MATN3: variants seen among roughly 807,000 people sequenced by gnomAD.
The protein encoded by MATN3 is matrilin-3.
Under a neutral mutation model 45.3 loss-of-function variants are expected in MATN3, and 48 were observed. The observed-to-expected ratio is 1.06, with a 90% confidence interval of 0.84 to 1.35. The LOEUF is 1.35. Among genes scored for constraint, MATN3 ranks in the 40% most tolerant of loss-of-function variants. The pLI is 0.00. For synonymous variants in MATN3, 217 were observed against 245.9 expected, an observed-to-expected ratio of 0.88 and a Z score of 1.10; for missense variants, 599 against 628.0, an observed-to-expected ratio of 0.95 and a Z score of 0.49.
chr2:20,012,476 G>C lies in MATN3; in HGVS notation c.156C>G (p.Pro52=), dbSNP rs1295143181. The C allele has an allele frequency of 1.6e-6, 2 of 1,228,972 alleles. No individual in the cohort carries two copies. The highest frequency in any genetic ancestry group is 3.1e-5 in the African/African-American group (2 of 64,198). 76.1% of individuals were successfully genotyped at this position (1,228,972 alleles called of 1,614,324 possible). ...RGPGGSPGRR[P]SPAAPDGAPA... ...GCGCGCCGTCGGGAGCCGCAGGAGA[G>C]GGGCGGCGTCCAGGGCTGCCCCCGG... The change falls in exon 1 of 8, where the codon CCC becomes CCG. Residue 52 remains proline (P), a synonymous_variant. Coordinates refer to ENST00000407540, the MANE Select transcript of MATN3 (RefSeq NM_002381.5). This position sits in a 1 kb window ranked among gnomAD's most constrained non-coding sequence, Gnocchi z 4.3.
chr2:20,002,194 AG>A, intron 3 of MATN3, 114 bp from the exon 4 acceptor site: 1 of 882,138 alleles, frequency 1.1e-6, no homozygotes, highest in African/African-American at 1.7e-5. Flanking sequence ...ACACACACAG[AG>A]CTAATGAAAC....
At chr2:20,004,554 G>C (rs1237142212) in intron 2 of MATN3, among the ~76,000 whole-genome samples, 2 of 152,204 alleles carry the variant, frequency 1.3e-5, no homozygotes, top group Non-Finnish European at 2.9e-5. Flanking sequence ...AGCCAAGTCT[G>C]ACTGCAATGA....
intron 1 of MATN3, among the ~76,000 whole-genome samples, chr2:20,008,528 TA>T (rs1473229039): frequency 1.3e-5 from 2 of 152,222 alleles, no homozygotes; most frequent in Admixed American, 6.5e-5. Flanking sequence ...AGTTTTCTTT[TA>T]AAAGCAGAAA....
intron 1 of MATN3, among the ~76,000 whole-genome samples, chr2:20,008,820 C>T (rs1558375820): frequency 6.6e-6 from 1 of 152,156 alleles, no homozygotes; most frequent in African/African-American, 2.4e-5. Context: ...TCTGAGGCAA[C>T]ATTTTCCTCC....
Position 20,000,521 on chromosome 2 carries a change from C to G in MATN3, c.1088G>C (p.Cys363Ser). ...ALGTHGCQHICVNDRTGSHHC... is the reference protein window; with the variant it reads ...ALGTHGCQHISVNDRTGSHHC... The stretch of plus-strand genomic sequence containing the variant: ...ATGGGACCCTGTTCTGTCATTCACA[C>G]AAATGTGCTGACACCCATGGGTACC... Residue 363 changes from cysteine (C) to serine (S), a missense_variant, in exon 5 of 8, where the codon TGT becomes TCT. By Grantham distance (112) the Cys-to-Ser change is moderately radical (BLOSUM62 -1). Coordinates refer to ENST00000407540, the MANE Select transcript of MATN3 (RefSeq NM_002381.5). 1 of 1,612,330 alleles carries G rather than the reference C, an allele frequency of 6.2e-7. No homozygotes were observed. Among genetic ancestry groups the G allele is most frequent in the South Asian group, 1.1e-5 (1 of 90,670 alleles).
intron 5 of MATN3, among the ~76,000 whole-genome samples, chr2:19,998,951 T>C (rs1453579282): frequency 6.6e-6 from 1 of 152,124 alleles, no homozygotes; most frequent in Non-Finnish European, 1.5e-5. Context: ...AGAGTAACCA[T>C]GGGCAAGTTA....
intron 1 of MATN3, among the ~76,000 whole-genome samples, chr2:20,006,806 C>G (rs973535153): frequency 1.3e-5 from 2 of 152,196 alleles, no homozygotes; most frequent in Admixed American, 1.3e-4. Flanking sequence ...CTGGTGGCCC[C>G]CCTCTTTTAC....
rs1452260147 is a variant in MATN3, at chr2:20,006,247, G to A, written c.287C>T (p.Pro96Leu). The part of the protein sequence containing the change: ...FIIDSSRSVR[P>L]LEFTKVKTFV... ...AGTTTTCACTTTGGTGAATTCCAGG[G>A]GCCGTACGCTACGAGAACTATCAAT... The change falls in exon 2 of 8, where the codon CCC becomes CTC. Residue 96 changes from proline to leucine, a missense_variant. By Grantham distance (98) the Pro-to-Leu change is moderately conservative. Transcript: ENST00000407540. The A allele has an allele frequency of 6.2e-7, 1 of 1,610,330 alleles. No homozygotes were observed.
At chr2:19,993,295 C>T in intron 7 of MATN3, 129 bp from the exon 8 acceptor site, 1 of 766,554 alleles carries the variant, frequency 1.3e-6, no homozygotes, top group Non-Finnish European at 2.1e-6. Context: ...AAACTGTTTT[C>T]TCACCAAAAG....
chr2:20,001,659 C>T (rs375120177), intron 4 of MATN3, among the ~76,000 whole-genome samples: 1 of 152,154 alleles, frequency 6.6e-6, no homozygotes, highest in South Asian at 2.1e-4. Flanking sequence ...TTGTAAGCAA[C>T]AGGTAACTTG....
rs573583494 is a variant in MATN3, at chr2:20,005,540, A to G, written c.790+204T>C. 2.6e-5 allele frequency among the ~76,000 whole-genome samples: 4 copies of G among 152,344 alleles called. No individual in the cohort carries two copies. The East Asian group carries it at 5.8e-4, about 22-fold the overall frequency. ...GAGCAAACCAAGTTCCATATAATGC[A>G]GCTCTATATTCCTAAACCAATAGAG... On this transcript the variant is annotated intron_variant, in intron 2 of 7. Transcript: ENST00000407540.
At chr2:20,007,203 G>A (rs1162538843) in intron 1 of MATN3, among the ~76,000 whole-genome samples, 7 of 147,444 alleles carry the variant, frequency 4.7e-5, no homozygotes, top group East Asian at 4.1e-4. Flanking sequence ...GCGAGACTCC[G>A]TCTCAAAAAA....
chr2:20,003,878 G>A (rs972869768), intron 2 of MATN3: 2 of 152,164 alleles, frequency 1.3e-5, no homozygotes, highest in Non-Finnish European at 2.9e-5. Flanking sequence ...TCATCCATAC[G>A]CTAAATCCAT....
At chr2:19,994,257 G>T (rs371504208) in intron 7 of MATN3, 42 bp downstream of exon 7, 2 of 1,336,634 alleles carry the variant, frequency 1.5e-6, no homozygotes, top group Admixed American at 1.8e-5. Flanking sequence ...TAGTACCTTG[G>T]TTGGCTCCAG....
At chr2:20,007,195 G>A (rs1444732474) in intron 1 of MATN3, among the ~76,000 whole-genome samples, 10 of 146,294 alleles carry the variant, frequency 6.8e-5, no homozygotes, top group African/African-American at 2.5e-4. Flanking sequence ...GCAACAGAGC[G>A]AGACTCCGTC....
chr2:20,003,504 A>G (rs147662491), intron 2 of MATN3, among the ~76,000 whole-genome samples: 1 of 152,258 alleles, frequency 6.6e-6, no homozygotes, highest in African/African-American at 2.4e-5. Context: ...CTTGCTATAT[A>G]GACTTTCTCA....
chr2:19,994,503 G>C, intron 6 of MATN3, 94 bp from the exon 7 acceptor site: 1 of 739,360 alleles, frequency 1.4e-6, no homozygotes, highest in Non-Finnish European at 2.3e-6. Flanking sequence ...TATTTCCACC[G>C]TTAAGACTTA....
chr2:19,994,439 TA>T, intron 6 of MATN3, 30 bp from the exon 7 acceptor site: 1 of 1,195,644 alleles, frequency 8.4e-7, no homozygotes, highest in Non-Finnish European at 1.2e-6. Context: ...ACAAATATAC[TA>T]TCTAGGAATA....
At chr2:20,002,191 C>CACACACACACACAG (rs147407955) in intron 3 of MATN3, 111 bp from the exon 4 acceptor site, 16,057 of 755,370 alleles carry the variant, frequency 0.021, 456 homozygotes, top group South Asian at 0.049. Flanking sequence ...CACACACACA[C>CACACACACACACAG]AGAGCTAATG....
Sources: allele counts gnomAD v4.1 joint callset (sites outside exome capture counted in the v4.1 genomes callset), GRCh38; gene constraint gnomAD v4.1.1; non-coding constraint Gnocchi (gnomAD v3.1); transcripts MANE v1.5; gene names NCBI Gene and HGNC (gene_info 2026-07-23, HGNC 2026-07-21).